NAALADL2: variants seen among roughly 807,000 people sequenced by gnomAD.
The protein encoded by NAALADL2 is inactive N-acetylated-alpha-linked acidic dipeptidase-like protein 2.
NAALADL2 carries 76 observed loss-of-function variants against 87.2 expected under a neutral mutation model. That is an observed-to-expected ratio of 0.87 (90% CI 0.72 to 1.05). The LOEUF (loss-of-function observed/expected upper bound fraction) is 1.05, where lower values mean the gene tolerates loss of function less well. Among genes scored for constraint, NAALADL2 ranks in the 50% least tolerant of loss-of-function variants. NAALADL2 has a pLI of 0.00. For missense variants in NAALADL2, 1,089 were observed against 945.8 expected (o/e 1.15, Z -1.99); for synonymous variants, 354 against 331.0 (o/e 1.07, Z -0.75).
chr3:175,379,545 T>C (rs1767544453), intron 5 of NAALADL2, among the ~76,000 whole-genome samples: 1 of 151,732 alleles, frequency 6.6e-6, no homozygotes, highest in Admixed American at 6.6e-5. Context: ...TTTTTTTTCC[T>C]TTTTTTAAGA....
intron 1 of NAALADL2, among the ~76,000 whole-genome samples, chr3:174,889,333 C>T (rs1730584816): frequency 6.6e-6 from 1 of 152,240 alleles, no homozygotes; most frequent in South Asian, 2.1e-4. Flanking sequence ...GTTTTATAAT[C>T]TCTTTTAACT....
Position 175,809,604 on chromosome 3 carries a change from G to A in NAALADL2, c.*6401G>A, listed in dbSNP as rs566412149. On this transcript the variant is annotated 3_prime_UTR_variant, in exon 14 of 14. Transcript: ENST00000454872. Reference sequence around the variant, plus strand: ...GTAGTCCAGCTACTAGGGAGGCTGAGGCGGAAGAATCATTTGGGCCCAAAA... The same window carrying A: ...GTAGTCCAGCTACTAGGGAGGCTGAAGCGGAAGAATCATTTGGGCCCAAAA... 1 of 151,378 alleles carries A rather than the reference G, an allele frequency of 6.6e-6. No individual in the cohort carries two copies. Among genetic ancestry groups the A allele is most frequent in the African/African-American group, 2.4e-5 (1 of 41,294 alleles). The allele number at this position is 151,378 out of a possible 1,614,324, so 9.4% of individuals were successfully genotyped here. A position where few individuals can be genotyped will look rare whatever the true frequency, so the allele number is the denominator to read the frequency against.
intron 9 of NAALADL2, among the ~76,000 whole-genome samples, chr3:175,506,930 A>G (rs961060907): frequency 6.6e-6 from 1 of 152,100 alleles, no homozygotes; most frequent in Non-Finnish European, 1.5e-5. Context: ...GGGGGAAATG[A>G]CATGCACGGG....
chr3:174,466,184 A>ACTTGTCCAC (rs1716521721), intron 1 of NAALADL2, among the ~76,000 whole-genome samples: 1 of 152,130 alleles, frequency 6.6e-6, no homozygotes, highest in African/African-American at 2.4e-5. Flanking sequence ...GTTAGAACAA[A>ACTTGTCCAC]CTTGTCCAAC....
In NAALADL2 at chr3:175,803,141, G is replaced by C; in HGVS notation, c.2326G>C (p.Ala776Pro). 6.2e-7 allele frequency: 1 copy of C among 1,612,264 alleles called. No homozygotes were observed. Among genetic ancestry groups the C allele is most frequent in the Non-Finnish European group, 8.5e-7 (1 of 1,178,908 alleles). The change falls in exon 14 of 14, where the codon GCT becomes CCT. Residue 776 changes from alanine to proline, a missense_variant. Coordinates refer to ENST00000454872, the MANE Select transcript of NAALADL2 (RefSeq NM_207015.3). ...LSEVLNSINS[A>P]QVYFKAGLDV... ...AGAGGTGTTGAACAGCATTAATTCA[G>C]CTCAGGTTTACTTCAAAGCAGGACT...
intron 2 of NAALADL2, among the ~76,000 whole-genome samples, chr3:174,558,828 A>G (rs954639232): frequency 2.6e-5 from 4 of 152,154 alleles, no homozygotes; most frequent in Middle Eastern, 3.2e-3. Context: ...TTTTGCCAAC[A>G]TGTACCTTCC....
chr3:174,930,563 A>G (rs935465234), intron 1 of NAALADL2, among the ~76,000 whole-genome samples: 11 of 149,808 alleles, frequency 7.3e-5, no homozygotes, highest in Non-Finnish European at 1.3e-4. Context: ...GTATAATGTT[A>G]TATTATATAC....
At chr3:175,631,336 A>C (rs913220253) in intron 11 of NAALADL2, among the ~76,000 whole-genome samples, 2 of 151,826 alleles carry the variant, frequency 1.3e-5, no homozygotes, top group African/African-American at 4.8e-5. Flanking sequence ...GGGCATTTAG[A>C]GTATTTATCT....
intron 1 of NAALADL2, among the ~76,000 whole-genome samples, chr3:174,529,072 G>T (rs1022395580): frequency 2.0e-5 from 3 of 152,156 alleles, no homozygotes; most frequent in Admixed American, 6.5e-5. Context: ...AGTCTCATCT[G>T]AGACAAGGCT....
chr3:175,087,435 A>G (rs1719227377), intron 1 of NAALADL2, among the ~76,000 whole-genome samples: 1 of 152,242 alleles, frequency 6.6e-6, no homozygotes. Flanking sequence ...AGAACGGGCC[A>G]TGATGACGAT....
At chr3:174,970,587 C>T (rs1395741556) in intron 1 of NAALADL2, among the ~76,000 whole-genome samples, 1 of 152,116 alleles carries the variant, frequency 6.6e-6, no homozygotes, top group Non-Finnish European at 1.5e-5. Context: ...TAAATTAGAA[C>T]CATGACATTA....
At chr3:175,624,926 CAG>C (rs1413095585) in intron 10 of NAALADL2, among the ~76,000 whole-genome samples, 1 of 152,024 alleles carries the variant, frequency 6.6e-6, no homozygotes, top group East Asian at 1.9e-4. Context: ...CACTGACACA[CAG>C]AGTTGATTTC....
intron 13 of NAALADL2, among the ~76,000 whole-genome samples, chr3:175,801,401 A>T (rs1754127958): frequency 6.6e-6 from 1 of 152,052 alleles, no homozygotes; most frequent in African/African-American, 2.4e-5. Context: ...TGCTCCTATC[A>T]TTGCCCAGTC....
intron 11 of NAALADL2, among the ~76,000 whole-genome samples, chr3:175,628,070 A>G (rs112322819): frequency 0.017 from 2,528 of 151,842 alleles, 76 homozygotes; most frequent in African/African-American, 0.057. Flanking sequence ...ATGTCCCCCA[A>G]CTTGTAATGG....
chr3:174,707,803 A>G (rs1035034390), intron 2 of NAALADL2, among the ~76,000 whole-genome samples: 1 of 152,032 alleles, frequency 6.6e-6, no homozygotes, highest in African/African-American at 2.4e-5. Context: ...ATAAAAAAAA[A>G]TTTTAAAAAA....
intron 2 of NAALADL2, among the ~76,000 whole-genome samples, chr3:174,572,183 C>T (rs538310862): frequency 6.6e-6 from 1 of 152,148 alleles, no homozygotes; most frequent in African/African-American, 2.4e-5. Flanking sequence ...GGCTGGAGTG[C>T]AGTGGTGTGA....
chr3:175,398,345 T>G (rs1196692864), intron 5 of NAALADL2, among the ~76,000 whole-genome samples: 10 of 52,146 alleles, frequency 1.9e-4, no homozygotes, highest in African/African-American at 8.3e-4. Flanking sequence ...CTTCTGCTAC[T>G]TTTTTTTTTT....
chr3:175,423,668 T>C (rs1716269518), intron 5 of NAALADL2, among the ~76,000 whole-genome samples: 1 of 152,196 alleles, frequency 6.6e-6, no homozygotes, highest in South Asian at 2.1e-4. Context: ...TCTATCATTG[T>C]TGGACATTTG....
chr3:175,037,770 G>T (rs977855417), intron 1 of NAALADL2, among the ~76,000 whole-genome samples: 9 of 152,074 alleles, frequency 5.9e-5, no homozygotes, highest in Non-Finnish European at 1.2e-4. Context: ...AGTTCTAAGG[G>T]GGTGGCTGGA....
Sources: gnomAD v4.1 joint callset for allele counts (sites outside exome capture counted in the v4.1 genomes callset) on GRCh38, gnomAD v4.1.1 for gene constraint, MANE v1.5 for transcripts, NCBI Gene and HGNC (gene_info 2026-07-23, HGNC 2026-07-21) for gene names.